The following PGM5 variants were observed in gnomAD, a reference collection of about 807,000 sequenced individuals.
PGM5 encodes the protein phosphoglucomutase 5.
Under a neutral mutation model 59.2 loss-of-function variants are expected in PGM5, and 23 were observed. That is an observed-to-expected ratio of 0.39 (90% CI 0.28 to 0.55). PGM5 has a LOEUF of 0.55. PGM5 is among the 20% of genes least tolerant of loss of function. The pLI is 0.66. For synonymous variants in PGM5, 214 were observed against 286.0 expected (o/e 0.75, Z 2.54); for missense variants, 574 against 748.3 (o/e 0.77, Z 2.72).
At position 68,484,804 on chromosome 9, in the gene PGM5, A is replaced by T. The variant is rs375629757; in HGVS notation, c.1479+756A>T. 9.2e-5 allele frequency among the ~76,000 whole-genome samples: 14 copies of T among 152,256 alleles called. No individual in the cohort carries two copies. The East Asian group carries it at 1.5e-3, about 17-fold the overall frequency. ...TAAAGATCCCTGTCCTTGGGGCCTC[A>T]GTGAGTCAGTCCTTGGAATTGTAAA... On this transcript the variant is annotated intron_variant, in intron 9 of 10. Transcript: ENST00000396396.
At position 68,513,166 on chromosome 9, in the gene PGM5, A is replaced by G. The variant is rs140508059; in HGVS notation, c.1614+13805A>G. ...CTATAAATTTCAAAATTACATTTGT[A>G]TTTGTGTATATTTGTATACATAGAT... On this transcript the variant is annotated intron_variant, in intron 10 of 10. Coordinates refer to ENST00000396396, the MANE Select transcript of PGM5 (RefSeq NM_021965.4). Among the ~76,000 whole-genome samples the G allele has an allele frequency of 8.5e-5, 13 of 152,358 alleles. No individual in the cohort carries two copies. In the East Asian group the frequency reaches 2.3e-3, roughly 27 times the overall value.
chr9:68,448,767 GTCC>G (rs1287986027), intron 6 of PGM5, among the ~76,000 whole-genome samples: 1 of 152,182 alleles, frequency 6.6e-6, no homozygotes, highest in Non-Finnish European at 1.5e-5. Flanking sequence ...CACAGCCCTT[GTCC>G]TCCTGAAGCT....
At chr9:68,404,803 G>A (rs1236793627) in intron 6 of PGM5, among the ~76,000 whole-genome samples, 1 of 152,234 alleles carries the variant, frequency 6.6e-6, no homozygotes, top group Non-Finnish European at 1.5e-5. Context: ...CTCACAGAGA[G>A]ATCATATCAC....
At chr9:68,415,306 G>A (rs1554681890) in intron 6 of PGM5, among the ~76,000 whole-genome samples, 1 of 149,588 alleles carries the variant, frequency 6.7e-6, no homozygotes, top group Non-Finnish European at 1.5e-5. Flanking sequence ...TCAGAGAGAG[G>A]AACTGAGGTG....
chr9:68,398,485 C>T (rs1291725586), intron 6 of PGM5: 3 of 152,230 alleles, frequency 2.0e-5, no homozygotes, highest in South Asian at 2.1e-4. Flanking sequence ...ACCCCTAGGA[C>T]TAAGAAGGGT....
At chr9:68,486,129 G>A (rs1332151626) in intron 9 of PGM5, among the ~76,000 whole-genome samples, 2 of 152,054 alleles carry the variant, frequency 1.3e-5, no homozygotes, top group Non-Finnish European at 2.9e-5. Flanking sequence ...AGACATATTT[G>A]AATTTAAATA....
At chr9:68,434,374 G>A (rs557851746) in intron 6 of PGM5, among the ~76,000 whole-genome samples, 1 of 149,244 alleles carries the variant, frequency 6.7e-6, no homozygotes, top group Non-Finnish European at 1.5e-5. Flanking sequence ...TCAAAGTGAA[G>A]ATTTGAAATC....
At chr9:68,372,443 A>G (rs1489835208) in intron 1 of PGM5, among the ~76,000 whole-genome samples, 2 of 151,874 alleles carry the variant, frequency 1.3e-5, no homozygotes, top group African/African-American at 4.8e-5. Context: ...AAATTAACCA[A>G]TCTACCACCA....
At chr9:68,479,344 GTCT>G (rs1414416236) in intron 7 of PGM5, 71 bp from the exon 8 acceptor site, 5 of 1,372,934 alleles carry the variant, frequency 3.6e-6, no homozygotes, top group African/African-American at 1.5e-5. Context: ...TCACTAACTG[GTCT>G]TCTTAATTCA....
intron 10 of PGM5, among the ~76,000 whole-genome samples, chr9:68,508,433 A>G (rs782064162): frequency 5.3e-5 from 8 of 152,274 alleles, no homozygotes; most frequent in African/African-American, 9.6e-5. Context: ...AAAAATAAAT[A>G]TAAGGAAACC....
intron 1 of PGM5, among the ~76,000 whole-genome samples, chr9:68,363,515 A>ACT (rs1834620692): frequency 6.6e-6 from 1 of 152,292 alleles, no homozygotes; most frequent in Admixed American, 6.5e-5. Context: ...TGTAGGTTAA[A>ACT]TTAAGGTAAA....
chr9:68,478,941 A>G (rs1442291593), intron 7 of PGM5, among the ~76,000 whole-genome samples: 1 of 152,122 alleles, frequency 6.6e-6, no homozygotes, highest in Non-Finnish European at 1.5e-5. Context: ...CTGTGACATC[A>G]TCACCTCTTT....
At chr9:68,509,647 A>G (rs1046880560) in intron 10 of PGM5, among the ~76,000 whole-genome samples, 1 of 152,156 alleles carries the variant, frequency 6.6e-6, no homozygotes, top group Admixed American at 6.5e-5. Context: ...CAGCATGAGC[A>G]AAGGGAAAAT....
chr9:68,446,873 C>A (rs1554684034), intron 6 of PGM5, among the ~76,000 whole-genome samples: 1 of 152,184 alleles, frequency 6.6e-6, no homozygotes, highest in African/African-American at 2.4e-5. Context: ...AAAACATCCT[C>A]CCATCTCCTG....
intron 6 of PGM5, among the ~76,000 whole-genome samples, chr9:68,431,625 A>G (rs1186403674): frequency 1.3e-5 from 2 of 152,214 alleles, no homozygotes; most frequent in Admixed American, 6.5e-5. Context: ...GAGAAACCTC[A>G]GGAGATAAAA....
chr9:68,440,859 C>T (rs1041346928), intron 6 of PGM5, among the ~76,000 whole-genome samples: 1 of 151,510 alleles, frequency 6.6e-6, no homozygotes, highest in Non-Finnish European at 1.5e-5. Flanking sequence ...TTTAAAACAC[C>T]AATAGAAACA....
Position 68,357,392 on chromosome 9 carries a change from A to C in PGM5, c.261+4A>C. On this transcript the variant is annotated splice_donor_region_variant and intron_variant, in intron 1 of 10. Coordinates refer to ENST00000396396, the MANE Select transcript of PGM5 (RefSeq NM_021965.4). ...GCAGATGGCCGCGGCCAACGGGGTG[A>C]GTGTCCGGATGCCCCTCGCTTCCCG... 1.9e-6 allele frequency: 3 copies of C among 1,555,590 alleles called. No individual in the cohort carries two copies. Among genetic ancestry groups the C allele is most frequent in the Non-Finnish European group, 2.6e-6 (3 of 1,153,750 alleles).
chr9:68,420,860 T>C (rs1823116485), intron 6 of PGM5, among the ~76,000 whole-genome samples: 1 of 152,226 alleles, frequency 6.6e-6, no homozygotes, highest in African/African-American at 2.4e-5. Flanking sequence ...ATGCCTCAAT[T>C]GCCTCATGTG....
At chr9:68,374,540 T>TA (rs1821829583) in intron 1 of PGM5, among the ~76,000 whole-genome samples, 1 of 149,490 alleles carries the variant, frequency 6.7e-6, no homozygotes, top group Admixed American at 6.7e-5. Context: ...TATTGCAGTG[T>TA]AAGAAATTAC....
Sources: gnomAD v4.1 joint callset for allele counts (sites outside exome capture counted in the v4.1 genomes callset) on GRCh38, gnomAD v4.1.1 for gene constraint, MANE v1.5 for transcripts, NCBI Gene and HGNC (gene_info 2026-07-23, HGNC 2026-07-21) for gene names.